Variants in GPI observed in about 807,000 individuals in gnomAD.
GPI encodes the protein glucose-6-phosphate isomerase, also known as D-hexose-6-phosphate anomerase.
GPI carries 56 observed loss-of-function variants against 75.8 expected under a neutral mutation model. That is an observed-to-expected ratio of 0.74 (90% CI 0.60 to 0.92). The LOEUF (loss-of-function observed/expected upper bound fraction) is 0.92. Ranked by LOEUF, GPI falls within the 40% of genes least tolerant of loss-of-function variation. The pLI is 0.00. For synonymous variants in GPI, 288 were observed against 285.4 expected (o/e 1.01, Z -0.09); for missense variants, 638 against 741.0 (o/e 0.86, Z 1.61).
chr19:34,379,687 T>G, intron 8 of GPI, 125 bp downstream of exon 8: 1 of 855,984 alleles, frequency 1.2e-6, no homozygotes, highest in Non-Finnish European at 2.0e-6. Context: ...TATGGAAGGT[T>G]TGGTTGCCTG....
At chr19:34,392,045 A>G (rs1426433207) in intron 9 of GPI, among the ~76,000 whole-genome samples, 8 of 34,946 alleles carry the variant, frequency 2.3e-4, no homozygotes, top group African/African-American at 5.6e-4. Context: ...CTGAGAAGGT[A>G]GGATCTGGTA....
chr19:34,379,743 C>T (rs930796062), intron 8 of GPI, 181 bp downstream of exon 8: 6 of 710,296 alleles, frequency 8.4e-6, no homozygotes, highest in Non-Finnish European at 1.5e-5. Context: ...CCCATTCAAC[C>T]TCTGCAGCTT....
intron 4 of GPI, among the ~76,000 whole-genome samples, chr19:34,370,773 A>G (rs2074439616): frequency 6.6e-6 from 1 of 151,918 alleles, no homozygotes; most frequent in Non-Finnish European, 1.5e-5. Context: ...GAAAAAATAA[A>G]TAAATCAGCT....
In GPI at chr19:34,378,922, C is replaced by T; in HGVS notation, c.634-12C>T. The T allele has an allele frequency of 6.2e-7, 1 of 1,613,324 alleles. No individual in the cohort carries two copies. On this transcript the variant is annotated splice_polypyrimidine_tract_variant and intron_variant, in intron 6 of 17. Transcript: ENST00000356487. ...AAGCTCGGGCGCCCACTGCTGTTCT[C>T]TTTGGTTGCAGACCTTTACTACCCA... is the stretch of plus-strand genomic sequence containing the variant.
chr19:34,393,835 C>T lies in GPI; in HGVS notation c.909+64C>T. 10 of 1,603,004 alleles carry T rather than the reference C, an allele frequency of 6.2e-6. No individual in the cohort carries two copies. The highest frequency in any genetic ancestry group is 8.5e-6 in the Non-Finnish European group (10 of 1,171,274). On this transcript the variant is annotated intron_variant, in intron 11 of 17. Coordinates refer to ENST00000356487, the MANE Select transcript of GPI (RefSeq NM_000175.5). This position sits in a 1 kb window ranked among gnomAD's most constrained non-coding sequence, Gnocchi z 4.4. ...GAGGCGCGTGTGTTGGTCCTGGTCC[C>T]CCGCTTTCTCCCCCACTGTCCTGTC...
rs780976808 is a variant in GPI at position 34,366,279 on chromosome 19, G to GC, written c.123-65dup. On this transcript the variant is annotated intron_variant, in intron 1 of 17. Transcript: ENST00000356487. Reference sequence around the variant, plus strand: ...GATGTTTCTTCTGGGAACAGCTCCTGCTTAGGGCATGGCTCCCCGCTAGGG... The same window carrying GC: ...GATGTTTCTTCTGGGAACAGCTCCTGCCTTAGGGCATGGCTCCCCGCTAGGG... 3 of 1,041,878 alleles carry GC rather than the reference G, an allele frequency of 2.9e-6. No homozygotes were observed. In the South Asian group the frequency reaches 3.8e-5, roughly 13 times the overall value. 64.5% of individuals were successfully genotyped at this position (1,041,878 alleles called of 1,614,324 possible).
chr19:34,393,612 C>G lies in GPI; in HGVS notation c.866-116C>G. 9.9e-7 allele frequency: 1 copy of G among 1,007,272 alleles called. No homozygotes were observed. The highest frequency in any genetic ancestry group is 2.4e-5 in the East Asian group (1 of 41,810). The allele number at this position is 1,007,272 out of a possible 1,614,324, so 62.4% of individuals were successfully genotyped here. A position where few individuals can be genotyped will look rare whatever the true frequency, so the allele number is the denominator to read the frequency against. On this transcript the variant is annotated intron_variant, in intron 10 of 17. Transcript: ENST00000356487. This position sits in a 1 kb window ranked among gnomAD's most constrained non-coding sequence, Gnocchi z 4.4. ...GGCTTTGTCTAGGTCCGAGTCCTCC[C>G]ATGTCGTATCTTCTGGCTCTCCATG...
In GPI at chr19:34,377,515, G is replaced by A. The variant is rs200793843; in HGVS notation, c.415G>A (p.Gly139Ser). The part of the protein sequence containing the change: ...MKSFCQRVRS[G>S]DWKGYTGKTI... ...GCCCCTGTGCCAGCGTGTCCGGAGC[G>A]GTGACTGGAAGGGGTACACAGGCAA... Residue 139 changes from glycine (G) to serine (S), a missense_variant, in exon 5 of 18, where the codon GGT becomes AGT. Physicochemically the swap from Gly to Ser is moderately conservative, Grantham distance 56. Coordinates refer to ENST00000356487, the MANE Select transcript of GPI (RefSeq NM_000175.5). The A allele has an allele frequency of 3.0e-5, 48 of 1,612,070 alleles. No homozygotes were observed. Among genetic ancestry groups the A allele is most frequent in the East Asian group, 6.7e-5 (3 of 44,834 alleles).
At chr19:34,395,937 T>C (rs2074937426) in intron 12 of GPI, among the ~76,000 whole-genome samples, 1 of 150,214 alleles carries the variant, frequency 6.7e-6, no homozygotes, top group Non-Finnish European at 1.5e-5. Flanking sequence ...TTCCTTTTTT[T>C]TTTTTTTTCT....
intron 4 of GPI, among the ~76,000 whole-genome samples, chr19:34,369,646 G>A (rs563504854): frequency 9.9e-5 from 15 of 151,848 alleles, no homozygotes; most frequent in Middle Eastern, 3.4e-3. Flanking sequence ...GGCAGAGGTT[G>A]CAGTGAGCTG....
intron 14 of GPI, chr19:34,398,011 T>G (rs563863818): frequency 2.6e-5 from 4 of 151,862 alleles, no homozygotes; most frequent in African/African-American, 9.7e-5. Context: ...CTCAGCCTCC[T>G]GAGTAGCTGG....
chr19:34,369,754 A>G (rs1222618781), intron 4 of GPI, among the ~76,000 whole-genome samples: 1 of 151,226 alleles, frequency 6.6e-6, no homozygotes. Context: ...ACCCTCCAGA[A>G]GCAGCCTTTG....
chr19:34,376,777 G>T (rs910923566), intron 4 of GPI, among the ~76,000 whole-genome samples: 16 of 152,050 alleles, frequency 1.1e-4, no homozygotes, highest in African/African-American at 3.9e-4. Flanking sequence ...GCGAGGCGCG[G>T]TGGCTCACAC....
In GPI at chr19:34,367,170, T is replaced by C. The variant is rs78656525; in HGVS notation, c.282+319T>C. On this transcript the variant is annotated intron_variant, in intron 3 of 17. Transcript: ENST00000356487. Reference sequence around the variant, plus strand: ...AATATATCCTCAATGCAAGTTTTAGTAGCGACAAGAAGAATCTTAGATCAC... The same window carrying C: ...AATATATCCTCAATGCAAGTTTTAGCAGCGACAAGAAGAATCTTAGATCAC... The C allele has an allele frequency of 2.4e-4, 107 of 442,386 alleles. 1 individual carries two copies. The highest frequency in any genetic ancestry group is 4.0e-4 in the Non-Finnish European group (94 of 233,742). The allele number at this position is 442,386 out of a possible 1,614,324, so 27.4% of individuals were successfully genotyped here.
At chr19:34,372,840 C>G (rs940679134) in intron 4 of GPI, among the ~76,000 whole-genome samples, 1 of 152,058 alleles carries the variant, frequency 6.6e-6, no homozygotes, top group Admixed American at 6.6e-5. Flanking sequence ...ATGGCCTGAT[C>G]TCGGTTCACT....
intron 6 of GPI, 107 bp from the exon 7 acceptor site, chr19:34,378,827 T>C (rs1599827159): frequency 1.2e-6 from 1 of 809,252 alleles, no homozygotes; most frequent in East Asian, 2.5e-5. Flanking sequence ...CAAATACTGC[T>C]CCATGGGACA....
chr19:34,381,061 G>T (rs1472423234), intron 8 of GPI: 2 of 336,464 alleles, frequency 5.9e-6, no homozygotes, highest in Non-Finnish European at 1.2e-5. Context: ...TGCCTGGCCT[G>T]GTAGGTGGCC....
In GPI at chr19:34,381,477, G is replaced by A. The variant is rs1864139; in HGVS notation, c.762G>A (p.Lys254=). 0.058 allele frequency: 93,246 copies of A among 1,603,498 alleles called. 4,888 individuals carry two copies. The highest frequency in any genetic ancestry group is 0.21 in the African/African-American group (15,556 of 74,568). Residue 254 remains lysine (K), a synonymous_variant, in exon 9 of 18, where the codon AAG becomes AAA. Coordinates refer to ENST00000356487, the MANE Select transcript of GPI (RefSeq NM_000175.5). The stretch of plus-strand genomic sequence containing the variant: ...TTTTTTTTTTGTAGACCAAAGTGAA[G>A]GAGTTTGGAATTGACCCTCAAAACA... ...VALSTNTTKV[K]EFGIDPQNMF...
At chr19:34,396,548 G>A (rs779405942) in intron 13 of GPI, 33 bp from the exon 14 acceptor site, 1 of 1,611,572 alleles carries the variant, frequency 6.2e-7, no homozygotes, top group Non-Finnish European at 8.5e-7. Flanking sequence ...CCATGGGCTG[G>A]GGTCATGTGG....
Sources: gnomAD v4.1 joint callset for allele counts (sites outside exome capture counted in the v4.1 genomes callset) on GRCh38, gnomAD v4.1.1 for gene constraint, Gnocchi (gnomAD v3.1) non-coding constraint, MANE v1.5 for transcripts, NCBI Gene and HGNC (gene_info 2026-07-23, HGNC 2026-07-21) for gene names.